The following LTBP1 variants were observed in gnomAD, a reference collection of about 807,000 sequenced individuals.
LTBP1 encodes latent transforming growth factor beta binding protein 1, also known as latent-transforming growth factor beta-binding protein 1.
LTBP1 carries 129 observed loss-of-function variants against 207.6 expected under a neutral mutation model. The ratio of observed to expected loss-of-function variants is 0.62; its 90% CI spans 0.54 to 0.72. The LOEUF (loss-of-function observed/expected upper bound fraction) is 0.72. Ranked by LOEUF, LTBP1 falls within the 30% of genes least tolerant of loss-of-function variation. The probability of loss-of-function intolerance (pLI) is 0.00; values close to 1 mark genes in which losing one functional copy is unlikely to be tolerated. For synonymous variants in LTBP1, 963 were observed against 833.7 expected (o/e 1.16, Z -2.67); for missense variants, 2,281 against 2,217.2 (o/e 1.03, Z -0.58).
Position 33,188,661 on chromosome 2 carries a change from A to T in LTBP1, c.1511A>T (p.Asp504Val), listed in dbSNP as rs1558781068. The change falls in exon 7 of 34, where the codon GAT becomes GTT. Residue 504 changes from aspartate to valine, a missense_variant. Coordinates refer to ENST00000404816, the MANE Select transcript of LTBP1 (RefSeq NM_206943.4). ...CAGATACATCAGGTTTCAAGAATTGATGGCCCAACAGGCCAGAAGACAAAA... is the reference window on the plus strand; with the variant it reads ...CAGATACATCAGGTTTCAAGAATTGTTGGCCCAACAGGCCAGAAGACAAAA... ...SVQIHQVSRI[D>V]GPTGQKTKEA... 4.3e-6 allele frequency: 7 copies of T among 1,614,034 alleles called. No individual in the cohort carries two copies. In the African/African-American group the frequency reaches 9.3e-5, roughly 22 times the overall value.
intron 26 of LTBP1, among the ~76,000 whole-genome samples, chr2:33,355,460 A>G (rs573230520): frequency 2.6e-5 from 4 of 152,156 alleles, no homozygotes; most frequent in Non-Finnish European, 4.4e-5. Flanking sequence ...TATAAATGAC[A>G]TGTAAATTGT....
rs531629494 is a variant in LTBP1 at position 33,315,427 on chromosome 2, A to G, written c.3730+158A>G. 6.8e-4 allele frequency among the ~76,000 whole-genome samples: 103 copies of G among 152,352 alleles called. No individual in the cohort carries two copies. In the Middle Eastern group the frequency reaches 0.014, roughly 20 times the overall value. On this transcript the variant is annotated intron_variant, in intron 24 of 33. Transcript: ENST00000404816. ...TAAACCATATCTGAAAGCATAGCTC[A>G]GGGGTTGCTGGGATTTACGAAGAGG...
chr2:33,355,099 T>G (rs941234042), intron 26 of LTBP1, among the ~76,000 whole-genome samples: 1 of 152,148 alleles, frequency 6.6e-6, no homozygotes, highest in Admixed American at 6.6e-5. Context: ...ATACACTTTG[T>G]GTGTCACTTT....
At chr2:33,387,931 G>C (rs907347844) in intron 31 of LTBP1, among the ~76,000 whole-genome samples, 5 of 152,184 alleles carry the variant, frequency 3.3e-5, no homozygotes, top group Admixed American at 2.0e-4. Flanking sequence ...ATCTGGTCCT[G>C]GGGCCTGTAG....
chr2:33,389,247 C>A lies in LTBP1; in HGVS notation c.4775C>A (p.Ala1592Asp). The A allele has an allele frequency of 4.3e-6, 7 of 1,614,176 alleles. No homozygotes were observed. Among genetic ancestry groups the A allele is most frequent in the Non-Finnish European group, 5.9e-6 (7 of 1,180,026 alleles). Residue 1592 changes from alanine to aspartate, a missense_variant, in exon 32 of 34, where the codon GCC becomes GAC. Physicochemically the swap from Ala to Asp is moderately radical, Grantham distance 126 (BLOSUM62 -2). Around this residue, in one of 3 missense-constraint regions of LTBP1, gnomAD observed 1,671 missense variants for 1,634.8 expected, o/e 1.02. Transcript: ENST00000404816. ...TGRRQPYGRD[A>D]LVDFSEQYTP... is the part of the protein sequence containing the mutation. ...CGCCGGCAGCCATATGGACGGGACG[C>A]CTTGGTTGACTTCAGTGAACAGTAT...
chr2:33,057,401 C>A (rs1260150494), intron 3 of LTBP1, among the ~76,000 whole-genome samples: 1 of 152,212 alleles, frequency 6.6e-6, no homozygotes, highest in African/African-American at 2.4e-5. Flanking sequence ...GGTCGAGCTG[C>A]CTGCCAGTCC....
chr2:33,383,136 ACG>A (rs1233313869), intron 31 of LTBP1, among the ~76,000 whole-genome samples: 2 of 152,194 alleles, frequency 1.3e-5, no homozygotes, highest in Non-Finnish European at 2.9e-5. Context: ...CAGGCAGATC[ACG>A]AGGTCAGGAG....
chr2:32,971,420 T>A (rs1177289676), intron 2 of LTBP1, among the ~76,000 whole-genome samples: 7 of 152,200 alleles, frequency 4.6e-5, no homozygotes, highest in Non-Finnish European at 7.3e-5. Flanking sequence ...TTATGTTGGC[T>A]GTGGGTTTGT....
At chr2:33,129,817 G>A (rs1405430117) in intron 4 of LTBP1, among the ~76,000 whole-genome samples, 1 of 152,012 alleles carries the variant, frequency 6.6e-6, no homozygotes, top group Non-Finnish European at 1.5e-5. Context: ...TCTTTCTTTA[G>A]TTACTCCTGC....
At chr2:33,051,196 C>A (rs186591255) in intron 3 of LTBP1, among the ~76,000 whole-genome samples, 17 of 152,188 alleles carry the variant, frequency 1.1e-4, no homozygotes, top group African/African-American at 3.9e-4. Flanking sequence ...GGAAGAGAAT[C>A]ATTTGAGGCC....
intron 31 of LTBP1, 142 bp from the exon 32 acceptor site, chr2:33,389,041 CT>C: frequency 8.7e-7 from 1 of 1,155,448 alleles, no homozygotes; most frequent in Non-Finnish European, 1.2e-6. Flanking sequence ...TATTCAGACA[CT>C]TTCCAGGCTC....
At chr2:33,383,773 G>T (rs2095242111) in intron 31 of LTBP1, among the ~76,000 whole-genome samples, 1 of 152,208 alleles carries the variant, frequency 6.6e-6, no homozygotes, top group South Asian at 2.1e-4. Flanking sequence ...CTGGGCTCAA[G>T]TGATCTGCCC....
intron 2 of LTBP1, among the ~76,000 whole-genome samples, chr2:33,005,990 T>C (rs1573042334): frequency 6.6e-6 from 1 of 152,196 alleles, no homozygotes; most frequent in Admixed American, 6.5e-5. Context: ...CACAATGGTC[T>C]TTTTTCTCTT....
intron 7 of LTBP1, among the ~76,000 whole-genome samples, chr2:33,196,120 G>A (rs900733713): frequency 4.6e-5 from 7 of 152,234 alleles, no homozygotes; most frequent in African/African-American, 9.6e-5. Flanking sequence ...CATGTGAGTC[G>A]CTTTATTGTG....
intron 3 of LTBP1, among the ~76,000 whole-genome samples, chr2:33,029,245 G>A (rs761432936): frequency 3.9e-5 from 6 of 152,188 alleles, no homozygotes; most frequent in Non-Finnish European, 2.9e-5. Context: ...GGGAGGCTGA[G>A]GCAGGTGGAT....
chr2:33,228,717 T>TTTTTTTTTTTTTTTTTTTTTTTTTTTG (rs1553461062), intron 9 of LTBP1, among the ~76,000 whole-genome samples: 1 of 144,192 alleles, frequency 6.9e-6, no homozygotes, highest in Non-Finnish European at 1.5e-5. Context: ...TTTTTTTTTT[T>TTTTTTTTTTTTTTTTTTTTTTTTTTTG]TGAGATGGAG....
chr2:33,198,508 G>GC (rs1464076163), intron 7 of LTBP1, among the ~76,000 whole-genome samples: 1 of 152,130 alleles, frequency 6.6e-6, no homozygotes, highest in Middle Eastern at 3.2e-3. Context: ...GTAGAATTCG[G>GC]CTGTGAATCC....
chr2:33,031,140 T>C (rs2075673476), intron 3 of LTBP1, among the ~76,000 whole-genome samples: 1 of 152,246 alleles, frequency 6.6e-6, no homozygotes, highest in Non-Finnish European at 1.5e-5. Flanking sequence ...TAAATTGGAT[T>C]GTAAAAAATC....
At chr2:33,041,916 C>G (rs779071601) in intron 3 of LTBP1, among the ~76,000 whole-genome samples, 2 of 152,168 alleles carry the variant, frequency 1.3e-5, no homozygotes, top group African/African-American at 2.4e-5. Context: ...TTACAGGATA[C>G]TACCAAACTG....
Sources: gnomAD v4.1 joint callset for allele counts (sites outside exome capture counted in the v4.1 genomes callset) on GRCh38, gnomAD v4.1.1 for gene constraint, gnomAD v4.1.1 regional missense constraint, MANE v1.5 for transcripts, NCBI Gene and HGNC (gene_info 2026-07-23, HGNC 2026-07-21) for gene names.